Variants in SHROOM2 observed in about 807,000 individuals in gnomAD.
SHROOM2 encodes protein Shroom2.
Under a neutral mutation model 75.9 loss-of-function variants are expected in SHROOM2, and 33 were observed. The ratio of observed to expected loss-of-function variants is 0.43; its 90% CI spans 0.33 to 0.58. SHROOM2 has a LOEUF of 0.58. Among genes scored for constraint, SHROOM2 ranks in the 20% least tolerant of loss-of-function variants. SHROOM2 has a pLI of 0.04. For synonymous variants in SHROOM2, 655 were observed against 663.6 expected, an observed-to-expected ratio of 0.99 and a Z score of 0.20; for missense variants, 1,434 against 1,461.2, an observed-to-expected ratio of 0.98 and a Z score of 0.30.
At chrX:9,802,168 A>C (rs1029690147) in intron 1 of SHROOM2, among the ~76,000 whole-genome samples, 4 of 108,424 alleles carry the variant, frequency 3.7e-5, no homozygotes, top group Middle Eastern at 4.2e-3. Context: ...CCCGGGCTCA[A>C]GTGATCTTCC....
chrX:9,932,446 C>A lies in SHROOM2; in HGVS notation c.3163C>A (p.Leu1055Met). ...AGACTCGTGGCCAGTGAGCTCAGCC[C>A]TGCTCTCCAAGAGGCCAGCCCCACA... ...GQDSWPVSSA[L>M]LSKRPAPQRP... The change falls in exon 6 of 10, where the codon CTG (leucine) becomes ATG (methionine). Residue 1055 changes from leucine to methionine, a missense_variant. Physicochemically the swap from Leu to Met is conservative, Grantham distance 15 (BLOSUM62 2). This residue lies in a region of SHROOM2 where 1,340 missense variants were observed against 1,338.3 expected (regional missense o/e 1.00). Transcript: ENST00000380913. The A allele has an allele frequency of 8.3e-7, 1 of 1,208,375 alleles. No individual in the cohort carries two copies. The highest frequency in any genetic ancestry group is 1.1e-6 in the Non-Finnish European group (1 of 893,332).
At chrX:9,847,890 TA>T (rs1307951973) in intron 1 of SHROOM2, among the ~76,000 whole-genome samples, 6 of 112,004 alleles carry the variant, frequency 5.4e-5, no homozygotes, top group African/African-American at 1.9e-4. Context: ...ATCACTTTTT[TA>T]TTGTTTCTCT....
chrX:9,896,222 G>C lies in SHROOM2; in HGVS notation c.2314G>C (p.Val772Leu), dbSNP rs148949490. 1 of 1,211,936 alleles carries C rather than the reference G, an allele frequency of 8.3e-7. No homozygotes were observed. The highest frequency in any genetic ancestry group is 1.1e-6 in the Non-Finnish European group (1 of 895,572). Residue 772 changes from valine to leucine, a missense_variant, in exon 4 of 10, where the codon GTG becomes CTG. Around this residue, in one of 3 missense-constraint regions of SHROOM2, gnomAD observed 1,340 missense variants for 1,338.3 expected, o/e 1.00. Coordinates refer to ENST00000380913, the MANE Select transcript of SHROOM2 (RefSeq NM_001649.4). Reference protein sequence around the residue: ...SYSEPEKMNEVGLTRGYSPHQ... With the variant: ...SYSEPEKMNELGLTRGYSPHQ... The stretch of plus-strand genomic sequence containing the variant: ...CTCGGAACCTGAGAAGATGAACGAG[G>C]TGGGCCTCACGAGGGGCTACAGTCC...
At chrX:9,809,119 AG>A (rs1388920612) in intron 1 of SHROOM2, among the ~76,000 whole-genome samples, 1 of 103,951 alleles carries the variant, frequency 9.6e-6, no homozygotes, top group Non-Finnish European at 2.0e-5. Flanking sequence ...CTAGAGAGAC[AG>A]AACTAATAGG....
At chrX:9,826,551 C>T (rs1197127943) in intron 1 of SHROOM2, among the ~76,000 whole-genome samples, 11 of 110,850 alleles carry the variant, frequency 9.9e-5, no homozygotes, top group Admixed American at 4.8e-4. Context: ...CTGAGAGGAT[C>T]GCTTGAGCTC....
At chrX:9,848,803 G>A (rs930181074) in intron 1 of SHROOM2, among the ~76,000 whole-genome samples, 1 of 111,187 alleles carries the variant, frequency 9.0e-6, no homozygotes, top group African/African-American at 3.3e-5. Flanking sequence ...GTTAGGGGAA[G>A]CTCTCAATAG....
intron 1 of SHROOM2, among the ~76,000 whole-genome samples, chrX:9,811,483 A>G (rs1319448030): frequency 8.9e-6 from 1 of 112,123 alleles, no homozygotes; most frequent in African/African-American, 3.2e-5. Context: ...ATATCTTCAC[A>G]GTTTTTGACC....
intron 1 of SHROOM2, among the ~76,000 whole-genome samples, chrX:9,787,882 G>A (rs767768919): frequency 3.7e-4 from 41 of 111,408 alleles, no homozygotes; most frequent in African/African-American, 1.3e-3. Context: ...TTATCACACT[G>A]GCTTCTTTGG....
At chrX:9,922,242 C>T (rs930859150) in intron 5 of SHROOM2, among the ~76,000 whole-genome samples, 5 of 110,914 alleles carry the variant, frequency 4.5e-5, no homozygotes, top group African/African-American at 1.6e-4. Context: ...ACTTTTCTTT[C>T]GGTACCAGAT....
intron 5 of SHROOM2, among the ~76,000 whole-genome samples, chrX:9,902,147 G>A (rs2084368739): frequency 9.0e-6 from 1 of 110,818 alleles, no homozygotes; most frequent in African/African-American, 3.3e-5. Flanking sequence ...GGATAGATGG[G>A]TGTGTGGATG....
intron 2 of SHROOM2, among the ~76,000 whole-genome samples, chrX:9,890,394 G>C (rs113372030): frequency 0.045 from 5,049 of 112,931 alleles, 286 homozygotes; most frequent in African/African-American, 0.15. Context: ...AAAGATAAGG[G>C]CTGCTGCACA....
intron 5 of SHROOM2, among the ~76,000 whole-genome samples, chrX:9,918,923 G>T (rs184535941): frequency 3.5e-4 from 39 of 112,027 alleles, no homozygotes; most frequent in African/African-American, 1.3e-3. Flanking sequence ...TGGGAGGCAG[G>T]GCACAGGCAT....
Position 9,937,509 on chromosome X carries a change from G to A in SHROOM2, c.3963G>A (p.Arg1321=), listed in dbSNP as rs759910353. Residue 1321 remains arginine (R), a synonymous_variant, in exon 7 of 10, where the codon AGG becomes AGA. Transcript: ENST00000380913. ...ACCTGAAGTCGGAGGAGCTGGCCAG[G>A]GAGATCGTGGGGAAGGATAAGTCCC... is the stretch of plus-strand genomic sequence containing the variant. ...VEDLKSEELA[R]EIVGKDKSLA... 125 of 1,209,973 alleles carry A rather than the reference G, an allele frequency of 1.0e-4. 1 individual carries two copies. In the South Asian group the frequency reaches 2.1e-3, roughly 20 times the overall value.
At chrX:9,846,244 T>A (rs2405943) in intron 1 of SHROOM2, among the ~76,000 whole-genome samples, 1 of 107,517 alleles carries the variant, frequency 9.3e-6, no homozygotes, top group African/African-American at 3.4e-5. Context: ...CTCAGCCTCC[T>A]GAGTAGCTGG....
intron 7 of SHROOM2, 57 bp from the exon 8 acceptor site, chrX:9,939,138 G>C: frequency 1.9e-6 from 2 of 1,045,763 alleles, no homozygotes; most frequent in South Asian, 5.0e-5. Flanking sequence ...GGGTGGGGCA[G>C]AGGGGCTGTT....
intron 2 of SHROOM2, among the ~76,000 whole-genome samples, chrX:9,883,067 T>C (rs1018765373): frequency 8.9e-5 from 10 of 111,972 alleles, no homozygotes; most frequent in Non-Finnish European, 1.5e-4. Flanking sequence ...ATTTCTAGAG[T>C]GCTCTGGCGT....
At chrX:9,875,110 A>AAAAAAAAAAGG (rs2084192753) in intron 2 of SHROOM2, among the ~76,000 whole-genome samples, 1 of 93,116 alleles carries the variant, frequency 1.1e-5, no homozygotes, top group African/African-American at 4.1e-5. Flanking sequence ...AAAAAAAAAA[A>AAAAAAAAAAGG]GGGGAGGAAG....
intron 2 of SHROOM2, among the ~76,000 whole-genome samples, chrX:9,887,202 C>T (rs2084265670): frequency 8.9e-6 from 1 of 112,519 alleles, no homozygotes; most frequent in African/African-American, 3.2e-5. Flanking sequence ...TGCTGTCTCC[C>T]CGATGTAACT....
At chrX:9,915,923 A>G (rs2084486932) in intron 5 of SHROOM2, among the ~76,000 whole-genome samples, 1 of 111,858 alleles carries the variant, frequency 8.9e-6, no homozygotes, top group African/African-American at 3.3e-5. Context: ...TAATTTATGA[A>G]GCTGATATGC....
Sources: allele counts gnomAD v4.1 joint callset (sites outside exome capture counted in the v4.1 genomes callset), GRCh38; gene constraint gnomAD v4.1.1; regional missense constraint gnomAD v4.1.1; transcripts MANE v1.5; gene names NCBI Gene and HGNC (gene_info 2026-07-23, HGNC 2026-07-21).